Variants in MEGF10 observed in about 807,000 individuals in gnomAD.
MEGF10 encodes the protein multiple epidermal growth factor-like domains protein 10.
MEGF10 carries 86 observed loss-of-function variants against 147.5 expected under a neutral mutation model. The ratio of observed to expected loss-of-function variants is 0.58; its 90% CI spans 0.49 to 0.70. The LOEUF is 0.70. Among genes scored for constraint, MEGF10 ranks in the 30% least tolerant of loss-of-function variants. MEGF10 has a pLI of 0.00. For missense variants in MEGF10, 1,329 were observed against 1,487.3 expected, an observed-to-expected ratio of 0.89 and a Z score of 1.75; for synonymous variants, 478 against 525.5, an observed-to-expected ratio of 0.91 and a Z score of 1.24.
rs1032106960 is a variant in MEGF10 at position 127,458,565 on chromosome 5, G to A, written c.*1247G>A. 8 of 151,986 alleles carry A rather than the reference G, an allele frequency of 5.3e-5. No individual in the cohort carries two copies. The highest frequency in any genetic ancestry group is 8.8e-5 in the Non-Finnish European group (6 of 68,004). 9.4% of individuals were successfully genotyped at this position (151,986 alleles called of 1,614,324 possible). On this transcript the variant is annotated 3_prime_UTR_variant, in exon 25 of 25. Transcript: ENST00000503335. ...CTTATCTTTTGCTTGATAAAAATGC[G>A]TTGTTCTTTTTTCTTTTGGAGGGAC...
chr5:127,452,418 G>C (rs2127039209), intron 22 of MEGF10, among the ~76,000 whole-genome samples: 1 of 152,272 alleles, frequency 6.6e-6, no homozygotes, highest in South Asian at 2.1e-4. Context: ...ATCTTCATGG[G>C]TCCTCTTTAT....
chr5:127,456,133 A>G (rs1436610934), intron 24 of MEGF10, among the ~76,000 whole-genome samples: 1 of 152,206 alleles, frequency 6.6e-6, no homozygotes, highest in Admixed American at 6.5e-5. Flanking sequence ...TATGTATCAT[A>G]TTAGCTAATA....
chr5:127,245,836 CA>C, the MEGF10 span, among the ~76,000 whole-genome samples: 1 of 151,986 alleles, frequency 6.6e-6, no homozygotes, highest in African/African-American at 2.4e-5. Flanking sequence ...TTTATGCAGC[CA>C]ACAAACATAT....
chr5:127,279,863 A>C, the MEGF10 span, among the ~76,000 whole-genome samples: 1 of 152,214 alleles, frequency 6.6e-6, no homozygotes, highest in East Asian at 1.9e-4. Flanking sequence ...TGTTATAGAC[A>C]AATCACTTAA....
Position 127,339,736 on chromosome 5 carries a change from C to T in MEGF10, c.218+515C>T, listed in dbSNP as rs145022857. On this transcript the variant is annotated intron_variant, in intron 3 of 24. Transcript: ENST00000503335. ...CCTAATTTTATTGGTAGTATACTAA[C>T]ATTTATAGTGTATGAGTTATGCCTT... Among the ~76,000 whole-genome samples, 180 of 152,166 alleles carry T rather than the reference C, an allele frequency of 1.2e-3. 3 individuals carry two copies. The highest frequency in any genetic ancestry group is 4.1e-3 in the African/African-American group (169 of 41,528).
chr5:127,391,280 G>T (rs1299444802), intron 5 of MEGF10, among the ~76,000 whole-genome samples: 2 of 152,010 alleles, frequency 1.3e-5, no homozygotes, highest in Non-Finnish European at 2.9e-5. Flanking sequence ...TACTATATAA[G>T]AGTGCTGGTT....
At chr5:127,350,875 G>A (rs1206678597) in intron 4 of MEGF10, among the ~76,000 whole-genome samples, 2 of 152,064 alleles carry the variant, frequency 1.3e-5, no homozygotes, top group Non-Finnish European at 2.9e-5. Context: ...CATACAATAT[G>A]TAATAATCAC....
chr5:127,247,395 G>C, the MEGF10 span, among the ~76,000 whole-genome samples: 35 of 41,880 alleles, frequency 8.4e-4, no homozygotes, highest in South Asian at 4.6e-3. Flanking sequence ...AGAAGAAGAA[G>C]AAGAAGAAGA....
rs1392296200 is a variant in MEGF10, at chr5:127,447,651, C to T, written c.2823C>T (p.His941=). The change falls in exon 21 of 25, where the codon CAC becomes CAT. Residue 941 remains histidine (H), a synonymous_variant. Transcript: ENST00000503335. The stretch of plus-strand genomic sequence containing the variant: ...TCACCCAGTGTGCCACATCCCCTCA[C>T]GTCAACAACAGGGACAGGATGACTG... ...HTLTQCATSP[H]VNNRDRMTVT... 5 of 1,614,104 alleles carry T rather than the reference C, an allele frequency of 3.1e-6. No individual in the cohort carries two copies. Among genetic ancestry groups the T allele is most frequent in the Admixed American group, 1.7e-5 (1 of 60,016 alleles).
At chr5:127,266,383 A>C in the MEGF10 span, among the ~76,000 whole-genome samples, 1 of 152,170 alleles carries the variant, frequency 6.6e-6, no homozygotes, top group Non-Finnish European at 1.5e-5. Context: ...CTTTTGGCTT[A>C]GGATTGTCTT....
At chr5:127,419,000 A>G in intron 10 of MEGF10, 120 bp from the exon 11 acceptor site, 1 of 1,220,644 alleles carries the variant, frequency 8.2e-7, no homozygotes, top group Non-Finnish European at 1.1e-6. Flanking sequence ...TTAAAAATAC[A>G]GTGTGTTAAA....
At chr5:127,275,994 C>T in the MEGF10 span, among the ~76,000 whole-genome samples, 1 of 152,190 alleles carries the variant, frequency 6.6e-6, no homozygotes, top group Admixed American at 6.5e-5. Flanking sequence ...ATGGGTCAGC[C>T]AGCCCAAAGG....
chr5:127,268,522 G>C, the MEGF10 span, among the ~76,000 whole-genome samples: 1 of 152,108 alleles, frequency 6.6e-6, no homozygotes, highest in Non-Finnish European at 1.5e-5. Flanking sequence ...GAACTGCAAG[G>C]CGGCAGCGAG....
rs549936895 is a variant in MEGF10 at position 127,399,040 on chromosome 5, T to C, written c.780+244T>C. On this transcript the variant is annotated intron_variant, in intron 7 of 24. Coordinates refer to ENST00000503335, the MANE Select transcript of MEGF10 (RefSeq NM_001256545.2). Reference sequence around the variant, plus strand: ...GTTGTCATGTAAAGGGTAGTGGCCATCTGTCCTGCATTTCCCTTAAGGATA... The same window carrying C: ...GTTGTCATGTAAAGGGTAGTGGCCACCTGTCCTGCATTTCCCTTAAGGATA... Among the ~76,000 whole-genome samples, 2 of 152,342 alleles carry C rather than the reference T, an allele frequency of 1.3e-5. 1 individual carries two copies. The highest frequency in any genetic ancestry group is 3.9e-4 in the East Asian group (2 of 5,192).
chr5:127,229,764 TGGGCCGCCAG>T, the MEGF10 span: 1 of 151,634 alleles, frequency 6.6e-6, no homozygotes, highest in Non-Finnish European at 1.5e-5. Context: ...CCCCATGCCC[TGGGCCGCCAG>T]GGGCCCGCAG....
intron 5 of MEGF10, among the ~76,000 whole-genome samples, chr5:127,376,235 G>GTC (rs1763020995): frequency 6.6e-6 from 1 of 152,188 alleles, no homozygotes; most frequent in Non-Finnish European, 1.5e-5. Flanking sequence ...AGAAGTAAGT[G>GTC]TACGGTCAAG....
intron 13 of MEGF10, chr5:127,424,415 A>G: frequency 1.1e-6 from 1 of 931,554 alleles, no homozygotes; most frequent in Non-Finnish European, 1.7e-6. Context: ...ACAAAGAAGC[A>G]AGGTGGAAAT....
At chr5:127,382,080 C>T (rs1223363009) in intron 5 of MEGF10, among the ~76,000 whole-genome samples, 4 of 152,314 alleles carry the variant, frequency 2.6e-5, no homozygotes, top group African/African-American at 9.6e-5. Flanking sequence ...TTCCCCAGGT[C>T]AGAATTTCCC....
chr5:127,294,758 C>A (rs1759416681), intron 1 of MEGF10, among the ~76,000 whole-genome samples: 1 of 151,012 alleles, frequency 6.6e-6, no homozygotes, highest in South Asian at 2.1e-4. Flanking sequence ...GAGATCGCGA[C>A]ACTGCACTCC....
Sources: allele counts gnomAD v4.1 joint callset (sites outside exome capture counted in the v4.1 genomes callset), GRCh38; gene constraint gnomAD v4.1.1; transcripts MANE v1.5; gene names NCBI Gene and HGNC (gene_info 2026-07-23, HGNC 2026-07-21).